The following BLTP3B variants were observed in gnomAD, a reference collection of about 807,000 sequenced individuals.
BLTP3B encodes the protein bridge-like lipid transfer protein family member 3B, also known as UHRF1 (ICBP90) binding protein 1-like.
At chr12:100,134,204 T>C in the BLTP3B span, among the ~76,000 whole-genome samples, 11 of 152,214 alleles carry the variant, frequency 7.2e-5, no homozygotes, top group African/African-American at 2.7e-4. Context: ...AATTGTTTAT[T>C]GCATAAGCCA....
the BLTP3B span, among the ~76,000 whole-genome samples, chr12:100,131,231 A>G: frequency 6.6e-6 from 1 of 151,652 alleles, no homozygotes; most frequent in Admixed American, 6.6e-5. Flanking sequence ...GGATTGCTAG[A>G]GCCTGGGAAG....
At chr12:100,082,532 T>C in the BLTP3B span, among the ~76,000 whole-genome samples, 9 of 152,234 alleles carry the variant, frequency 5.9e-5, no homozygotes, top group African/African-American at 1.9e-4. Context: ...AGCCTTTACA[T>C]TTAAGTCTTT....
the BLTP3B span, chr12:100,050,950 CT>C: frequency 7.9e-7 from 1 of 1,267,694 alleles, no homozygotes; most frequent in East Asian, 2.7e-5. Flanking sequence ...AGAACAAAAG[CT>C]GCAAATTGAA....
chr12:100,102,280 T>C, the BLTP3B span, among the ~76,000 whole-genome samples: 1 of 151,928 alleles, frequency 6.6e-6, no homozygotes, highest in African/African-American at 2.4e-5. Flanking sequence ...CAGCTAAAGT[T>C]TTTTGTATTT....
chr12:100,045,944 A>G, the BLTP3B span, among the ~76,000 whole-genome samples: 1 of 152,250 alleles, frequency 6.6e-6, no homozygotes, highest in Non-Finnish European at 1.5e-5. Flanking sequence ...TTCTCAAAAG[A>G]CATTTATGCA....
the BLTP3B span, among the ~76,000 whole-genome samples, chr12:100,101,496 G>A: frequency 6.6e-6 from 1 of 152,160 alleles, no homozygotes; most frequent in African/African-American, 2.4e-5. Context: ...AATATGAGGA[G>A]GCATTAATCA....
the BLTP3B span, among the ~76,000 whole-genome samples, chr12:100,074,058 T>C: frequency 7.9e-5 from 12 of 152,306 alleles, no homozygotes; most frequent in East Asian, 2.1e-3. Flanking sequence ...GGCATCCAAA[T>C]AGGAAAAGAA....
the BLTP3B span, chr12:100,070,090 GC>G: frequency 1.4e-6 from 2 of 1,462,576 alleles, no homozygotes; most frequent in Admixed American, 2.4e-5. Flanking sequence ...TTTCAACTGT[GC>G]CATTTTACTC....
chr12:100,090,925 C>T, the BLTP3B span, among the ~76,000 whole-genome samples: 1 of 151,848 alleles, frequency 6.6e-6, no homozygotes, highest in Non-Finnish European at 1.5e-5. Flanking sequence ...CATTTATCTA[C>T]CTACAAACCT....
the BLTP3B span, among the ~76,000 whole-genome samples, chr12:100,063,729 A>G: frequency 5.3e-5 from 8 of 151,878 alleles, no homozygotes; most frequent in African/African-American, 1.7e-4. Flanking sequence ...AAAGGAAAAG[A>G]AAAAAAGGGA....
At chr12:100,037,665 G>A in the BLTP3B span, 2 of 1,609,082 alleles carry the variant, frequency 1.2e-6, no homozygotes, top group Non-Finnish European at 1.7e-6. Flanking sequence ...TTTATATGAT[G>A]AAGAAGAGCA....
chr12:100,111,842 G>A, the BLTP3B span, among the ~76,000 whole-genome samples: 2 of 152,116 alleles, frequency 1.3e-5, no homozygotes, highest in Admixed American at 6.5e-5. Context: ...CCGACCTTGT[G>A]ATCCATCCAC....
the BLTP3B span, among the ~76,000 whole-genome samples, chr12:100,109,873 A>G: frequency 6.6e-6 from 1 of 152,242 alleles, no homozygotes; most frequent in Non-Finnish European, 1.5e-5. Flanking sequence ...TATTTCATTT[A>G]GTTCCCATGA....
chr12:100,092,973 A>G, the BLTP3B span: 1 of 985,304 alleles, frequency 1.0e-6, no homozygotes, highest in African/African-American at 1.7e-5. Flanking sequence ...CTGTCATTCT[A>G]AAGTTCTGAA....
At chr12:100,053,263 G>T in the BLTP3B span, among the ~76,000 whole-genome samples, 1 of 151,710 alleles carries the variant, frequency 6.6e-6, no homozygotes, top group African/African-American at 2.4e-5. Context: ...AAATTAGCCG[G>T]GTGTGGTGGC....
At chr12:100,068,321 T>G in the BLTP3B span, among the ~76,000 whole-genome samples, 3 of 152,218 alleles carry the variant, frequency 2.0e-5, no homozygotes, top group Admixed American at 2.0e-4. Context: ...CTGGATCTTC[T>G]TCTCTCACTT....
chr12:100,067,684 A>G, the BLTP3B span, among the ~76,000 whole-genome samples: 1 of 152,196 alleles, frequency 6.6e-6, no homozygotes, highest in African/African-American at 2.4e-5. Context: ...GCCAAACTGA[A>G]ATGATAATTT....
the BLTP3B span, among the ~76,000 whole-genome samples, chr12:100,110,324 T>C: frequency 1.3e-5 from 2 of 152,146 alleles, no homozygotes; most frequent in African/African-American, 4.8e-5. Context: ...AATACAACAA[T>C]CATTTAACAC....
At chr12:100,122,642 G>T in the BLTP3B span, among the ~76,000 whole-genome samples, 1 of 152,116 alleles carries the variant, frequency 6.6e-6, no homozygotes, top group East Asian at 1.9e-4. Context: ...AACTAATGGT[G>T]TGTCTGTGAT....
Sources: allele counts gnomAD v4.1 joint callset (sites outside exome capture counted in the v4.1 genomes callset), GRCh38; gene constraint gnomAD v4.1.1; transcripts MANE v1.5; gene names NCBI Gene and HGNC (gene_info 2026-07-23, HGNC 2026-07-21).